IL6R: variants seen among roughly 807,000 people sequenced by gnomAD.
IL6R encodes the protein interleukin-6 receptor subunit alpha.
In IL6R, 38 loss-of-function variants were observed where a neutral mutation model predicts 48.3. That is an observed-to-expected ratio of 0.79 (90% CI 0.61 to 1.03). The LOEUF is 1.03. Ranked by LOEUF, IL6R falls within the 50% of genes least tolerant of loss-of-function variation. IL6R has a pLI of 0.00. For synonymous variants in IL6R, 264 were observed against 256.2 expected (o/e 1.03, Z -0.29); for missense variants, 534 against 618.3 (o/e 0.86, Z 1.45).
At chr1:154,417,361 G>A (rs1033250516) in intron 1 of IL6R, among the ~76,000 whole-genome samples, 2 of 152,142 alleles carry the variant, frequency 1.3e-5, no homozygotes, top group African/African-American at 2.4e-5. Flanking sequence ...TAAGAGTCCT[G>A]TATAGCCTTA....
At chr1:154,439,903 TTCTCTTTTTTTTTGAGACGGAGTCTCAC>T (rs1395970499) in intron 6 of IL6R, among the ~76,000 whole-genome samples, 58 of 152,178 alleles carry the variant, frequency 3.8e-4, no homozygotes, top group African/African-American at 1.3e-3. Context: ...CTCTCTCTTT[TTCTCTTTTTTTTTGAGACGGAGTCTCAC>T]TCTGTCACCC....
chr1:154,446,088 C>T (rs190944978), intron 6 of IL6R, among the ~76,000 whole-genome samples: 1 of 152,088 alleles, frequency 6.6e-6, no homozygotes, highest in Non-Finnish European at 1.5e-5. Context: ...CTGATTTTAG[C>T]TTTCATTCTA....
chr1:154,469,099 A>T lies in IL6R; in HGVS notation c.*3719A>T, dbSNP rs1199986431. The stretch of plus-strand genomic sequence containing the variant: ...GGGAGTTTCTATGGCAACCTTAGTG[A>T]TTATTAAGGAACACTGTCAGTTTTA... On this transcript the variant is annotated 3_prime_UTR_variant, in exon 10 of 10. Coordinates refer to ENST00000368485, the MANE Select transcript of IL6R (RefSeq NM_000565.4). The T allele has an allele frequency of 6.6e-6, 1 of 152,212 alleles. No homozygotes were observed. Among genetic ancestry groups the T allele is most frequent in the Non-Finnish European group, 1.5e-5 (1 of 68,042 alleles). The allele number at this position is 152,212 out of a possible 1,614,324, so 9.4% of individuals were successfully genotyped here.
At chr1:154,414,906 C>G in intron 1 of IL6R, 2 of 913,598 alleles carry the variant, frequency 2.2e-6, no homozygotes, top group Non-Finnish European at 3.5e-6. Context: ...AGCATTTGAG[C>G]TGGGTCATGT....
rs1558314047 is a variant in IL6R at position 154,434,686 on chromosome 1, A to G, written c.626A>G (p.Gln209Arg). 6.2e-7 allele frequency: 1 copy of G among 1,613,968 alleles called. No individual in the cohort carries two copies. Among genetic ancestry groups the G allele is most frequent in the Non-Finnish European group, 8.5e-7 (1 of 1,179,932 alleles). ...AAGTTCAGCAAAACTCAAACCTTTC[A>G]GGGTTGTGGAATCTGTACGTAAGCT... The part of the protein sequence containing the change: ...GSKFSKTQTF[Q>R]GCGILQPDPP... Residue 209 changes from glutamine to arginine, a missense_variant, in exon 4 of 10, where the codon CAG (glutamine) becomes CGG (arginine). Physicochemically the swap from Gln to Arg is conservative, Grantham distance 43. Transcript: ENST00000368485.
chr1:154,441,985 A>C (rs927711673), intron 6 of IL6R, among the ~76,000 whole-genome samples: 2 of 152,222 alleles, frequency 1.3e-5, no homozygotes, highest in African/African-American at 4.8e-5. Flanking sequence ...ATGCTAAAGC[A>C]TACTGCATTT....
chr1:154,434,604 G>A lies in IL6R; in HGVS notation c.544G>A (p.Glu182Lys). 6.2e-7 allele frequency: 1 copy of A among 1,614,110 alleles called. No homozygotes were observed. Among genetic ancestry groups the A allele is most frequent in the East Asian group, 2.2e-5 (1 of 44,888 alleles). Residue 182 changes from glutamate to lysine, a missense_variant, in exon 4 of 10, where the codon GAG (glutamate) becomes AAG (lysine). Transcript: ENST00000368485. ...QKFSCQLAVP[E>K]GDSSFYIVSM... Reference sequence around the variant, plus strand: ...GTTCTCCTGCCAGTTAGCAGTCCCGGAGGGAGACAGCTCTTTCTACATAGT... The same window carrying A: ...GTTCTCCTGCCAGTTAGCAGTCCCGAAGGGAGACAGCTCTTTCTACATAGT...
chr1:154,456,085 A>G (rs1265166667), intron 9 of IL6R, among the ~76,000 whole-genome samples: 1 of 152,014 alleles, frequency 6.6e-6, no homozygotes, highest in African/African-American at 2.4e-5. Flanking sequence ...GTCACTCTCA[A>G]TGCAGTTTGG....
intron 6 of IL6R, chr1:154,444,929 C>T (rs1690133067): frequency 5.1e-6 from 2 of 393,374 alleles, no homozygotes; most frequent in Non-Finnish European, 1.0e-5. Context: ...CTTAACTGCC[C>T]CCCACACCCG....
Position 154,414,773 on chromosome 1 carries a change from GCCACTCCAGCTC to G in IL6R, c.85+9061_85+9072del. On this transcript the variant is annotated intron_variant, in intron 1 of 9. Transcript: ENST00000368485. ...TTGGTCTGGATGTCCTTGGCAGGCA[GCCACTCCAGCTC>G]CATGTGGAACTCAGCCACCCGCTTC... 5 of 764,978 alleles carry G rather than the reference GCCACTCCAGCTC, an allele frequency of 6.5e-6. No individual in the cohort carries two copies. The South Asian group carries it at 7.1e-5, about 11-fold the overall frequency. The allele number at this position is 764,978 out of a possible 1,614,324, so 47.4% of individuals were successfully genotyped here.
At chr1:154,423,314 T>A (rs1419309839) in intron 1 of IL6R, among the ~76,000 whole-genome samples, 1 of 138,428 alleles carries the variant, frequency 7.2e-6, no homozygotes, top group Admixed American at 7.7e-5. Context: ...TATAGGCAAC[T>A]TATAGAAAAT....
At chr1:154,458,059 C>T (rs1355389612) in intron 9 of IL6R, among the ~76,000 whole-genome samples, 8 of 150,830 alleles carry the variant, frequency 5.3e-5, no homozygotes, top group South Asian at 2.1e-4. Flanking sequence ...CTCCGCCTCC[C>T]GGGTTCACGC....
chr1:154,465,057 T>A (rs944623553), intron 9 of IL6R, 77 bp from the exon 10 acceptor site: 1 of 1,571,332 alleles, frequency 6.4e-7, no homozygotes, highest in Middle Eastern at 1.7e-4. Flanking sequence ...CAGCCAGCTG[T>A]TGGTGTTTTC....
chr1:154,406,328 G>A (rs1687718423), intron 1 of IL6R: 1 of 152,358 alleles, frequency 6.6e-6, no homozygotes, highest in Non-Finnish European at 1.5e-5. Flanking sequence ...CCCAGTCCTG[G>A]GAATTGAGTC....
At chr1:154,417,486 A>G (rs1222804296) in intron 1 of IL6R, among the ~76,000 whole-genome samples, 1 of 152,122 alleles carries the variant, frequency 6.6e-6, no homozygotes, top group Non-Finnish European at 1.5e-5. Context: ...GCTTTCTTCT[A>G]AGGCCCTGCT....
chr1:154,414,379 C>T, intron 1 of IL6R: 1 of 1,412,036 alleles, frequency 7.1e-7, no homozygotes, highest in Non-Finnish European at 9.9e-7. Context: ...AGATCATCTC[C>T]AGCTGCCGGG....
chr1:154,437,263 A>AT (rs1689676171), intron 6 of IL6R, among the ~76,000 whole-genome samples: 1 of 151,796 alleles, frequency 6.6e-6, no homozygotes, highest in Admixed American at 6.6e-5. Flanking sequence ...CGCCCAGCTA[A>AT]TTTTTTCTAT....
In IL6R at chr1:154,430,588, T is replaced by G; in HGVS notation, c.440T>G (p.Val147Gly). ...ACCCCATCCCTGACGACAAAGGCTG[T>G]GCTCTTGGTGAGGAAGTTGTAAGTA... ...RSTPSLTTKA[V>G]LLVRKFQNSP... is the part of the protein sequence containing the mutation. The change falls in exon 3 of 10, where the codon GTG becomes GGG. Residue 147 changes from valine (V) to glycine (G), a missense_variant. Transcript: ENST00000368485. 6.2e-7 allele frequency: 1 copy of G among 1,614,234 alleles called. No individual in the cohort carries two copies. Among genetic ancestry groups the G allele is most frequent in the Non-Finnish European group, 8.5e-7 (1 of 1,180,034 alleles).
At chr1:154,441,283 G>A (rs1689917731) in intron 6 of IL6R, among the ~76,000 whole-genome samples, 1 of 152,212 alleles carries the variant, frequency 6.6e-6, no homozygotes, top group Non-Finnish European at 1.5e-5. Context: ...GGAAGATGGT[G>A]TGGTGGGGGC....
Sources: allele counts gnomAD v4.1 joint callset (sites outside exome capture counted in the v4.1 genomes callset), GRCh38; gene constraint gnomAD v4.1.1; transcripts MANE v1.5; gene names NCBI Gene and HGNC (gene_info 2026-07-23, HGNC 2026-07-21).